The following KCNMA1 variants were observed in gnomAD, a reference collection of about 807,000 sequenced individuals.
KCNMA1 encodes potassium calcium-activated channel subfamily M alpha 1, also known as Calcium-activated potassium channel subunit alpha-1.
Under a neutral mutation model 140.0 loss-of-function variants are expected in KCNMA1, and 29 were observed. The ratio of observed to expected loss-of-function variants is 0.21; its 90% CI spans 0.15 to 0.28. KCNMA1 has a LOEUF of 0.28. Ranked by LOEUF, KCNMA1 falls within the 10% of genes least tolerant of loss-of-function variation. KCNMA1 has a pLI of 1.00. For missense variants in KCNMA1, 880 were observed against 1,602.2 expected, an observed-to-expected ratio of 0.55 and a Z score of 7.70; for synonymous variants, 612 against 611.9, an observed-to-expected ratio of 1.00 and a Z score of 0.00.
chr10:77,551,494 G>T (rs924758162), intron 1 of KCNMA1, among the ~76,000 whole-genome samples: 8 of 152,156 alleles, frequency 5.3e-5, no homozygotes, highest in African/African-American at 1.9e-4. Context: ...GAAACAGACT[G>T]GATCCCAAAT....
chr10:77,367,018 C>T (rs2094406321), intron 2 of KCNMA1, among the ~76,000 whole-genome samples: 1 of 152,164 alleles, frequency 6.6e-6, no homozygotes, highest in Admixed American at 6.5e-5. Flanking sequence ...GCCTGTGTTC[C>T]TAGGGAGAGA....
At chr10:77,170,587 A>G (rs2574801) in intron 5 of KCNMA1, among the ~76,000 whole-genome samples, 127,573 of 149,390 alleles carry the variant, frequency 0.85, 54,649 homozygotes, top group East Asian at 0.91. Context: ...CTGGGAGAAC[A>G]TCGGAGGTGA....
intron 1 of KCNMA1, among the ~76,000 whole-genome samples, chr10:77,622,745 C>T (rs748304320): frequency 1.3e-5 from 2 of 152,180 alleles, no homozygotes; most frequent in Non-Finnish European, 2.9e-5. Flanking sequence ...TAAAACAATG[C>T]TTAATGCATA....
At chr10:77,452,545 C>A (rs16934807) in intron 1 of KCNMA1, among the ~76,000 whole-genome samples, 8,591 of 152,098 alleles carry the variant, frequency 0.056, 797 homozygotes, top group African/African-American at 0.19. Context: ...TTTATAAATG[C>A]GCAAAAAAAG....
intron 5 of KCNMA1, among the ~76,000 whole-genome samples, chr10:77,126,033 G>A (rs1489466029): frequency 6.6e-6 from 1 of 152,218 alleles, no homozygotes; most frequent in African/African-American, 2.4e-5. Flanking sequence ...ACTACAGACA[G>A]CGACTTCAGG....
intron 2 of KCNMA1, among the ~76,000 whole-genome samples, chr10:77,352,850 G>T (rs1233619106): frequency 6.6e-6 from 1 of 152,210 alleles, no homozygotes; most frequent in Non-Finnish European, 1.5e-5. Flanking sequence ...AGATAGAGAA[G>T]CAACAAAAGT....
chr10:77,594,193 C>T (rs1455781695), intron 1 of KCNMA1, among the ~76,000 whole-genome samples: 2 of 152,222 alleles, frequency 1.3e-5, no homozygotes, highest in African/African-American at 4.8e-5. Flanking sequence ...GCCAGGTTTA[C>T]AGCCGTTCTG....
chr10:77,374,760 C>T (rs150863259), intron 2 of KCNMA1, among the ~76,000 whole-genome samples: 39 of 152,298 alleles, frequency 2.6e-4, no homozygotes, highest in Middle Eastern at 3.4e-3. Context: ...AACAAACAGA[C>T]ATGAGTCCAT....
At chr10:77,148,480 C>T (rs570106060) in intron 5 of KCNMA1, among the ~76,000 whole-genome samples, 1 of 152,142 alleles carries the variant, frequency 6.6e-6, no homozygotes, top group South Asian at 2.1e-4. Flanking sequence ...AGATTTAGCT[C>T]TGTTTAATTC....
At chr10:77,257,046 CT>C (rs2154260565) in intron 2 of KCNMA1, among the ~76,000 whole-genome samples, 1 of 152,164 alleles carries the variant, frequency 6.6e-6, no homozygotes, top group South Asian at 2.1e-4. Context: ...GAGGTGGAAG[CT>C]GCAGTTGAGC....
At chr10:77,488,997 C>G (rs772248666) in intron 1 of KCNMA1, among the ~76,000 whole-genome samples, 12 of 152,196 alleles carry the variant, frequency 7.9e-5, no homozygotes, top group Non-Finnish European at 5.9e-5. Flanking sequence ...GGAATGCCTG[C>G]TCCACTCAAG....
chr10:77,546,723 T>G (rs1017834732), intron 1 of KCNMA1, among the ~76,000 whole-genome samples: 1 of 152,220 alleles, frequency 6.6e-6, no homozygotes, highest in Non-Finnish European at 1.5e-5. Context: ...CAGGCCTCCT[T>G]TCCCATCTTT....
chr10:76,880,214 G>A (rs990142648), downstream of KCNMA1, among the ~76,000 whole-genome samples: 35 of 152,090 alleles, frequency 2.3e-4, no homozygotes, highest in African/African-American at 6.3e-4. Context: ...TTGACCTTTC[G>A]CGGCAGAGAG....
intron 3 of KCNMA1, chr10:77,250,108 T>C (rs956430545): frequency 1.3e-5 from 2 of 152,112 alleles, no homozygotes; most frequent in African/African-American, 4.8e-5. Context: ...AAATTCTGAG[T>C]TTAGCTGTGC....
intron 1 of KCNMA1, among the ~76,000 whole-genome samples, chr10:77,523,545 G>C (rs4979891): frequency 6.6e-6 from 1 of 152,246 alleles, no homozygotes; most frequent in Non-Finnish European, 1.5e-5. Flanking sequence ...TGCTGGAGAA[G>C]AGAAATGCTA....
At chr10:77,220,497 A>ATTTG (rs1599084796) in intron 3 of KCNMA1, among the ~76,000 whole-genome samples, 2 of 152,142 alleles carry the variant, frequency 1.3e-5, no homozygotes, top group South Asian at 2.1e-4. Flanking sequence ...CTTGTCATTT[A>ATTTG]TTTTTTAAAT....
At chr10:77,120,041 CA>C (rs2097561915) in intron 6 of KCNMA1, among the ~76,000 whole-genome samples, 1 of 152,176 alleles carries the variant, frequency 6.6e-6, no homozygotes, top group Admixed American at 6.5e-5. Flanking sequence ...ATCTAATCCT[CA>C]AAACTACAGA....
At chr10:77,132,594 G>A (rs1026400887) in intron 5 of KCNMA1, among the ~76,000 whole-genome samples, 8 of 149,480 alleles carry the variant, frequency 5.4e-5, no homozygotes, top group Non-Finnish European at 8.9e-5. Flanking sequence ...GCGCGATCTC[G>A]GCTCACTGCA....
chr10:77,128,326 A>G (rs1241625301), intron 5 of KCNMA1, among the ~76,000 whole-genome samples: 1 of 151,376 alleles, frequency 6.6e-6, no homozygotes, highest in Non-Finnish European at 1.5e-5. Context: ...GAATTCTAAA[A>G]TATATCAATC....
Sources: gnomAD v4.1 joint callset for allele counts (sites outside exome capture counted in the v4.1 genomes callset) on GRCh38, gnomAD v4.1.1 for gene constraint, MANE v1.5 for transcripts, NCBI Gene and HGNC (gene_info 2026-07-23, HGNC 2026-07-21) for gene names.